Variants in TMEM150B observed in about 807,000 individuals in gnomAD.
TMEM150B encodes the protein modulator of macroautophagy TMEM150B.
In TMEM150B, 33 loss-of-function variants were observed where a neutral mutation model predicts 25.2. The ratio of observed to expected loss-of-function variants is 1.31; its 90% CI spans 0.99 to 1.75. TMEM150B has a LOEUF of 1.75. TMEM150B is among the 40% of genes most tolerant of loss of function. The probability of loss-of-function intolerance (pLI) is 0.00; values close to 1 mark genes in which losing one functional copy is unlikely to be tolerated. For missense variants in TMEM150B, 322 were observed against 306.1 expected (o/e 1.05, Z -0.39); for synonymous variants, 133 against 134.8 (o/e 0.99, Z 0.09).
chr19:55,322,280 C>G (rs1270575433), intron 2 of TMEM150B, among the ~76,000 whole-genome samples: 1 of 152,160 alleles, frequency 6.6e-6, no homozygotes, highest in African/African-American at 2.4e-5. Context: ...ATAGCCCAGC[C>G]AGCAGGGACA....
At chr19:55,312,263 C>G (rs2088818994), downstream of TMEM150B, 1 of 348,400 alleles carries the variant, frequency 2.9e-6, no homozygotes, top group Non-Finnish European at 5.0e-6. Context: ...GGCGGGGGAG[C>G]TGTTTCTATT....
downstream of TMEM150B, among the ~76,000 whole-genome samples, chr19:55,309,993 C>T (rs959996929): frequency 6.6e-6 from 1 of 152,140 alleles, no homozygotes; most frequent in African/African-American, 2.4e-5. Context: ...AGGAAACGGC[C>T]CAGCGTTGAG....
At chr19:55,310,348 T>C (rs1846565144), downstream of TMEM150B, among the ~76,000 whole-genome samples, 1 of 152,144 alleles carries the variant, frequency 6.6e-6, no homozygotes, top group Admixed American at 6.6e-5. This position sits in a 1 kb window ranked among gnomAD's most constrained non-coding sequence, Gnocchi z 5.0. Context: ...AGTGACGCCA[T>C]ATATCCCTCT....
At chr19:55,320,719 G>T in intron 3 of TMEM150B, 102 bp from the exon 4 acceptor site, 1 of 1,434,722 alleles carries the variant, frequency 7.0e-7, no homozygotes. Context: ...CTCAGACCAG[G>T]AGTCCAGGCC....
chr19:55,325,219 C>T (rs2123157491), intron 1 of TMEM150B, 53 bp downstream of exon 1: 2 of 956,770 alleles, frequency 2.1e-6, no homozygotes, highest in East Asian at 1.2e-4. Flanking sequence ...GGACAGGGGA[C>T]AGGGCTCCAG....
At position 55,320,138 on chromosome 19, in the gene TMEM150B, G is replaced by T. The variant is rs568951440; in HGVS notation, c.225C>A (p.His75Gln). 7 of 1,614,056 alleles carry T rather than the reference G, an allele frequency of 4.3e-6. No homozygotes were observed. Among genetic ancestry groups the T allele is most frequent in the Non-Finnish European group, 5.9e-6 (7 of 1,180,046 alleles). Residue 75 changes from histidine (H) to glutamine (Q), a missense_variant, in exon 6 of 8, where the codon CAC becomes CAA. Coordinates refer to ENST00000326652, the MANE Select transcript of TMEM150B (RefSeq NM_001282011.2). ...LAAWICIVRY[H>Q]QLRDWGVRRW... ...TTCTGACGCCCCAGTCCCGGAGCTG[G>T]TGGTAACGGACAATGCAGATCCACG...
chr19:55,324,725 T>G (rs1307962609), intron 1 of TMEM150B: 1 of 985,142 alleles, frequency 1.0e-6, no homozygotes, highest in African/African-American at 1.7e-5. Context: ...AGGGCAAAGC[T>G]CTCCAAGTCC....
At chr19:55,321,211 C>G (rs1314389953) in intron 2 of TMEM150B, 118 bp from the exon 3 acceptor site, 3 of 1,356,774 alleles carry the variant, frequency 2.2e-6, no homozygotes, top group Non-Finnish European at 2.9e-6. Flanking sequence ...TTGGCCAGCT[C>G]TCCATTTCCA....
intron 7 of TMEM150B, 32 bp from the exon 8 acceptor site, chr19:55,313,087 G>C: frequency 6.3e-7 from 1 of 1,578,200 alleles, no homozygotes; most frequent in East Asian, 2.3e-5. Flanking sequence ...CACTGCTACC[G>C]TGACAGACGC....
chr19:55,316,498 C>T lies in TMEM150B; in HGVS notation c.505+288G>A, dbSNP rs377486683. Among the ~76,000 whole-genome samples, 34 of 152,162 alleles carry T rather than the reference C, an allele frequency of 2.2e-4. 1 individual carries two copies. Among genetic ancestry groups the T allele is most frequent in the African/African-American group, 7.9e-4 (33 of 41,510 alleles). ...CCTATTATCCTATCCACTCCACAAC[C>T]CTGAGGTCAGCCCTGTCGTTATCCA... is the stretch of plus-strand genomic sequence containing the variant. On this transcript the variant is annotated intron_variant, in intron 7 of 7. Transcript: ENST00000326652.
In TMEM150B at chr19:55,317,113, T is replaced by C. The variant is rs552649258; in HGVS notation, c.325-147A>G. 4.2e-4 allele frequency: 280 copies of C among 667,142 alleles called. No individual in the cohort carries two copies. In the African/African-American group the frequency reaches 4.9e-3, roughly 12 times the overall value. 41.3% of individuals were successfully genotyped at this position (667,142 alleles called of 1,614,324 possible). On this transcript the variant is annotated intron_variant, in intron 6 of 7. Coordinates refer to ENST00000326652, the MANE Select transcript of TMEM150B (RefSeq NM_001282011.2). ...TGGGCTTATTAAGCACATCAGCTATTGTCAGCTCCACGAGAGCAGGCATTG... is the reference window on the plus strand; with the variant it reads ...TGGGCTTATTAAGCACATCAGCTATCGTCAGCTCCACGAGAGCAGGCATTG...
chr19:55,321,181 C>T lies in TMEM150B; in HGVS notation c.-57-88G>A, dbSNP rs1031410901. 9 of 1,448,186 alleles carry T rather than the reference C, an allele frequency of 6.2e-6. No individual in the cohort carries two copies. In the South Asian group the frequency reaches 1.2e-4, roughly 19 times the overall value. 89.7% of individuals were successfully genotyped at this position (1,448,186 alleles called of 1,614,324 possible). A position where few individuals can be genotyped will look rare whatever the true frequency, so the allele number is the denominator to read the frequency against. ...CCGCTTGGCTCTCAGGCAGAAGTCA[C>T]CTGTAGGGGTCTGATCTGATTGGCC... On this transcript the variant is annotated intron_variant, in intron 2 of 7. Coordinates refer to ENST00000326652, the MANE Select transcript of TMEM150B (RefSeq NM_001282011.2).
At chr19:55,310,681 GC>G (rs889233612), downstream of TMEM150B, among the ~76,000 whole-genome samples, 1 of 152,136 alleles carries the variant, frequency 6.6e-6, no homozygotes, top group African/African-American at 2.4e-5. The surrounding 1 kb of genome is among the most constrained non-coding windows in gnomAD (Gnocchi z 5.0). Flanking sequence ...TCACAGAACA[GC>G]CCCCCACGAC....
Position 55,312,941 on chromosome 19 carries a change from T to C in TMEM150B, c.620A>G (p.Glu207Gly), listed in dbSNP as rs1385422806. The change falls in exon 8 of 8, where the codon GAG becomes GGG. Residue 207 changes from glutamate (E) to glycine (G), a missense_variant. Physicochemically the swap from Glu to Gly is moderately conservative, Grantham distance 98. Coordinates refer to ENST00000326652, the MANE Select transcript of TMEM150B (RefSeq NM_001282011.2). The part of the protein sequence containing the change: ...GLLAVDFSAL[E>G]SCTLCVQPWP... ...CGGCTGAACACACAGGGTGCAGCTC[T>C]CCAGGGCGGAGAAGTCAACGGCTAA... 6.2e-7 allele frequency: 1 copy of C among 1,612,854 alleles called. No homozygotes were observed.
At chr19:55,320,231 G>A (rs941887449) in intron 5 of TMEM150B, 65 bp from the exon 6 acceptor site, 26 of 1,575,762 alleles carry the variant, frequency 1.7e-5, no homozygotes, top group East Asian at 2.2e-5. Context: ...ACCCAGGGAG[G>A]GAAGTGAGGG....
At chr19:55,322,828 AC>A (rs2089242065) in intron 1 of TMEM150B, 85 bp from the exon 2 acceptor site, 1 of 608,590 alleles carries the variant, frequency 1.6e-6, no homozygotes, top group African/African-American at 2.0e-5. Flanking sequence ...TCCCCAAACC[AC>A]CGTGTCCTGT....
chr19:55,313,202 C>T, intron 7 of TMEM150B, 147 bp from the exon 8 acceptor site: 3 of 806,238 alleles, frequency 3.7e-6, no homozygotes, highest in Non-Finnish European at 1.9e-6. Flanking sequence ...ACAGACGGGG[C>T]CTCGCCTTGG....
intron 2 of TMEM150B, 149 bp downstream of exon 2, chr19:55,322,499 C>T (rs1600233601): frequency 2.3e-5 from 5 of 220,596 alleles, no homozygotes; most frequent in Non-Finnish European, 3.8e-5. Flanking sequence ...CTGATCTAAT[C>T]GGCCAGCTGT....
rs1465834687 is a variant in TMEM150B at position 55,325,321 on chromosome 19, C to G, written c.-203G>C. 1 of 985,330 alleles carries G rather than the reference C, an allele frequency of 1.0e-6. No homozygotes were observed. Among genetic ancestry groups the G allele is most frequent in the African/African-American group, 1.7e-5 (1 of 57,244 alleles). 61.0% of individuals were successfully genotyped at this position (985,330 alleles called of 1,614,324 possible). Reference sequence around the variant, plus strand: ...GGAGCCTGAAGGATCCTTCCAGAAGCTAGGGCTGCTGGCCTGGCTCAGCCG... The same window carrying G: ...GGAGCCTGAAGGATCCTTCCAGAAGGTAGGGCTGCTGGCCTGGCTCAGCCG... On this transcript the variant is annotated 5_prime_UTR_variant, in exon 1 of 8. Coordinates refer to ENST00000326652, the MANE Select transcript of TMEM150B (RefSeq NM_001282011.2).
Sources: gnomAD v4.1 joint callset for allele counts (sites outside exome capture counted in the v4.1 genomes callset) on GRCh38, gnomAD v4.1.1 for gene constraint, Gnocchi (gnomAD v3.1) non-coding constraint, MANE v1.5 for transcripts, NCBI Gene and HGNC (gene_info 2026-07-23, HGNC 2026-07-21) for gene names.